Variants in ZNF407 observed in about 807,000 individuals in gnomAD.
The protein encoded by ZNF407 is zinc finger protein 407.
A neutral mutation model predicts 131.2 loss-of-function variants in ZNF407; 17 were observed. The ratio of observed to expected loss-of-function variants is 0.13; its 90% CI spans 0.09 to 0.19. The LOEUF is 0.19. Ranked by LOEUF, ZNF407 falls within the 10% of genes least tolerant of loss-of-function variation. The pLI, the probability that ZNF407 is intolerant of heterozygous loss-of-function variation, is 1.00. For missense variants in ZNF407, 2,681 were observed against 2,830.6 expected, an observed-to-expected ratio of 0.95 and a Z score of 1.20; for synonymous variants, 1,156 against 1,062.0, an observed-to-expected ratio of 1.09 and a Z score of -1.72.
At chr18:74,995,790 G>T (rs2122147643) in intron 8 of ZNF407, among the ~76,000 whole-genome samples, 1 of 152,242 alleles carries the variant, frequency 6.6e-6, no homozygotes, top group Admixed American at 6.5e-5. Context: ...AGGGACTTGT[G>T]CTTGGCTCTG....
At chr18:74,790,138 A>G (rs1969798844) in intron 4 of ZNF407, among the ~76,000 whole-genome samples, 4 of 152,180 alleles carry the variant, frequency 2.6e-5, no homozygotes, top group Non-Finnish European at 1.5e-5. Context: ...CCATCTCCCC[A>G]GAAAGAAACC....
rs28605706 is a variant in ZNF407, at chr18:74,881,818, C to T, written c.5128+699C>T. 8.7e-4 allele frequency among the ~76,000 whole-genome samples: 132 copies of T among 152,292 alleles called. 1 individual carries two copies. Among genetic ancestry groups the T allele is most frequent in the African/African-American group, 2.9e-3 (119 of 41,566 alleles). On this transcript the variant is annotated intron_variant, in intron 6 of 8. Coordinates refer to ENST00000299687, the MANE Select transcript of ZNF407 (RefSeq NM_017757.3). ...ACTGTATTAGTCCTTTTTCACACTG[C>T]TGATAAACACATACCCGAGACTGGG...
chr18:74,816,297 T>C (rs1970266773), intron 4 of ZNF407, among the ~76,000 whole-genome samples: 1 of 152,346 alleles, frequency 6.6e-6, no homozygotes, highest in South Asian at 2.1e-4. Flanking sequence ...TGAGTGGAAT[T>C]TTCTTTCCAA....
intron 8 of ZNF407, among the ~76,000 whole-genome samples, chr18:74,962,531 C>A (rs1972358019): frequency 1.3e-5 from 2 of 152,192 alleles, no homozygotes. Context: ...GTGAACTGAC[C>A]CCCGCCACTC....
At chr18:74,673,964 T>C (rs1439693812) in intron 3 of ZNF407, among the ~76,000 whole-genome samples, 1 of 152,224 alleles carries the variant, frequency 6.6e-6, no homozygotes, top group Non-Finnish European at 1.5e-5. Flanking sequence ...AGAAAATATG[T>C]ACCTATAGTT....
At chr18:74,627,062 C>T (rs1018061177) in intron 1 of ZNF407, among the ~76,000 whole-genome samples, 4 of 152,158 alleles carry the variant, frequency 2.6e-5, no homozygotes, top group African/African-American at 4.8e-5. Context: ...GGCAGAAAGC[C>T]GGACTCACCT....
chr18:74,996,422 G>A (rs1429269872), intron 8 of ZNF407, among the ~76,000 whole-genome samples: 1 of 152,202 alleles, frequency 6.6e-6, no homozygotes, highest in African/African-American at 2.4e-5. Context: ...TTTTAACTGT[G>A]TTACTTGGGC....
chr18:74,632,474 T>C lies in ZNF407; in HGVS notation c.1455T>C (p.Ser485=). The C allele has an allele frequency of 6.2e-7, 1 of 1,614,026 alleles. No individual in the cohort carries two copies. The highest frequency in any genetic ancestry group is 8.5e-7 in the Non-Finnish European group (1 of 1,179,902). ...SVLKHLEACS[S]VQRVCVTTSE... is the part of the protein sequence containing the mutation. ...TGAAACACCTGGAAGCGTGCAGCAG[T>C]GTGCAGAGAGTGTGTGTGACTACCT... The change falls in exon 2 of 9, where the codon AGT becomes AGC. Residue 485 remains serine (S), a synonymous_variant. Coordinates refer to ENST00000299687, the MANE Select transcript of ZNF407 (RefSeq NM_017757.3).
chr18:74,853,787 G>A (rs1198226292), intron 4 of ZNF407, among the ~76,000 whole-genome samples: 3 of 152,148 alleles, frequency 2.0e-5, no homozygotes, highest in Non-Finnish European at 4.4e-5. Flanking sequence ...TAAGGAGACA[G>A]TTTTCCAAGT....
rs557801409 is a variant in ZNF407 at position 74,632,457 on chromosome 18, C to T, written c.1438C>T (p.Leu480=). The change falls in exon 2 of 9, where the codon CTG becomes TTG. Residue 480 remains leucine (L), a synonymous_variant. Transcript: ENST00000299687. ...THDAESVLKH[L]EACSSVQRVC... is the part of the protein sequence containing the mutation. The stretch of plus-strand genomic sequence containing the variant: ...CGATGCAGAATCAGTGCTGAAACAC[C>T]TGGAAGCGTGCAGCAGTGTGCAGAG... The T allele has an allele frequency of 4.3e-6, 7 of 1,614,024 alleles. No homozygotes were observed. The South Asian group carries it at 6.6e-5, about 15-fold the overall frequency.
At chr18:75,033,872 C>T (rs1425919574) in intron 8 of ZNF407, among the ~76,000 whole-genome samples, 1 of 152,184 alleles carries the variant, frequency 6.6e-6, no homozygotes, top group Non-Finnish European at 1.5e-5. Context: ...GCCCTCTTCC[C>T]TTCTCCTTTC....
chr18:74,713,032 G>T (rs551033533), intron 3 of ZNF407, among the ~76,000 whole-genome samples: 1 of 152,198 alleles, frequency 6.6e-6, no homozygotes, highest in Non-Finnish European at 1.5e-5. Flanking sequence ...GAACATAGAG[G>T]ACCTGCCAGT....
At chr18:74,955,943 A>C (rs117190257) in intron 8 of ZNF407, among the ~76,000 whole-genome samples, 1 of 152,308 alleles carries the variant, frequency 6.6e-6, no homozygotes, top group Non-Finnish European at 1.5e-5. Context: ...CATGATTCCT[A>C]CTTCAGAAAG....
chr18:74,864,008 C>T (rs571689504), intron 4 of ZNF407, among the ~76,000 whole-genome samples: 21 of 152,220 alleles, frequency 1.4e-4, no homozygotes, highest in Admixed American at 1.0e-3. Context: ...CCTCTGTCTC[C>T]TGCAAGTCAG....
intron 3 of ZNF407, among the ~76,000 whole-genome samples, chr18:74,645,847 A>G (rs968701339): frequency 2.0e-5 from 3 of 152,188 alleles, no homozygotes; most frequent in Non-Finnish European, 4.4e-5. Context: ...ATTGCCTGTC[A>G]TGTTTTCAAC....
chr18:74,848,676 A>T (rs1970735908), intron 4 of ZNF407, among the ~76,000 whole-genome samples: 1 of 152,196 alleles, frequency 6.6e-6, no homozygotes, highest in Non-Finnish European at 1.5e-5. Context: ...TTGGAGACAC[A>T]TGGGCAAGAG....
At chr18:75,026,900 G>C (rs962408885) in intron 8 of ZNF407, among the ~76,000 whole-genome samples, 2 of 152,284 alleles carry the variant, frequency 1.3e-5, no homozygotes, top group East Asian at 1.9e-4. Context: ...AGCATCAGCT[G>C]GGTGTCAGTC....
chr18:74,862,337 G>A (rs1452276088), intron 4 of ZNF407, among the ~76,000 whole-genome samples: 2 of 152,098 alleles, frequency 1.3e-5, no homozygotes, highest in Non-Finnish European at 2.9e-5. Flanking sequence ...CAGTTCCCTG[G>A]GTCTACAGAT....
chr18:74,666,932 G>C (rs1291351672), intron 3 of ZNF407, among the ~76,000 whole-genome samples: 1 of 152,096 alleles, frequency 6.6e-6, no homozygotes, highest in Non-Finnish European at 1.5e-5. Flanking sequence ...TGTGAGTCTC[G>C]TATTGCTTCA....
Sources: allele counts gnomAD v4.1 joint callset (sites outside exome capture counted in the v4.1 genomes callset), GRCh38; gene constraint gnomAD v4.1.1; transcripts MANE v1.5; gene names NCBI Gene and HGNC (gene_info 2026-07-23, HGNC 2026-07-21).